The following INPP4B variants were observed in gnomAD, a reference collection of about 807,000 sequenced individuals.
The protein encoded by INPP4B is inositol polyphosphate 4-phosphatase type II.
INPP4B carries 55 observed loss-of-function variants against 122.5 expected under a neutral mutation model. The ratio of observed to expected loss-of-function variants is 0.45; its 90% CI spans 0.36 to 0.56. The LOEUF (loss-of-function observed/expected upper bound fraction) is 0.56. Ranked by LOEUF, INPP4B falls within the 20% of genes least tolerant of loss-of-function variation. The probability of loss-of-function intolerance (pLI) is 0.00; values close to 1 mark genes in which losing one functional copy is unlikely to be tolerated. For synonymous variants in INPP4B, 403 were observed against 388.7 expected, an observed-to-expected ratio of 1.04 and a Z score of -0.43; for missense variants, 1,000 against 1,097.7, an observed-to-expected ratio of 0.91 and a Z score of 1.26.
intron 1 of INPP4B, among the ~76,000 whole-genome samples, chr4:142,825,637 T>C (rs1261005640): frequency 6.6e-6 from 1 of 152,120 alleles, no homozygotes; most frequent in Non-Finnish European, 1.5e-5. Context: ...AGTGCTTTTG[T>C]GCATAGCACC....
intron 5 of INPP4B, among the ~76,000 whole-genome samples, chr4:142,415,616 C>A (rs1183572868): frequency 2.0e-5 from 3 of 151,932 alleles, no homozygotes; most frequent in Non-Finnish European, 4.4e-5. Context: ...GGATCTAGAA[C>A]TAGAAATACC....
chr4:142,826,108 C>G (rs542287735), intron 1 of INPP4B, among the ~76,000 whole-genome samples: 13 of 152,144 alleles, frequency 8.5e-5, no homozygotes, highest in African/African-American at 3.1e-4. Context: ...AAAATTTACT[C>G]AACAAATTCA....
Position 142,158,190 on chromosome 4 carries a change from T to C in INPP4B, c.1563+2168A>G, listed in dbSNP as rs114422206. Among the ~76,000 whole-genome samples, 821 of 152,242 alleles carry C rather than the reference T, an allele frequency of 5.4e-3. 12 individuals are homozygous for C. The highest frequency in any genetic ancestry group is 0.019 in the African/African-American group (780 of 41,568). On this transcript the variant is annotated intron_variant, in intron 17 of 25. Coordinates refer to ENST00000262992, the MANE Select transcript of INPP4B (RefSeq NM_001101669.3). ...ACCTCTCTCTGTATGTCAGCTATTA[T>C]GCTCCATCTAAAAGGGCACCACATC...
intron 2 of INPP4B, among the ~76,000 whole-genome samples, chr4:142,469,364 AAAGAGAAGTAAAGAACTG>A (rs1292660906): frequency 6.6e-6 from 1 of 152,110 alleles, no homozygotes; most frequent in African/African-American, 2.4e-5. Flanking sequence ...AAGAAGCTAT[AAAGAGAAGTAAAGAACTG>A]TAACACGTGT....
chr4:142,422,208 G>C (rs745896905), intron 5 of INPP4B, among the ~76,000 whole-genome samples: 5 of 152,030 alleles, frequency 3.3e-5, no homozygotes, highest in Non-Finnish European at 7.4e-5. Flanking sequence ...GATGATAAAA[G>C]AGCAATTACT....
At chr4:142,097,988 T>C (rs1782723493) in intron 23 of INPP4B, among the ~76,000 whole-genome samples, 1 of 152,134 alleles carries the variant, frequency 6.6e-6, no homozygotes, top group African/African-American at 2.4e-5. Flanking sequence ...TATTGCATGC[T>C]ACATGATGAT....
chr4:142,274,405 A>C (rs1394654908), intron 9 of INPP4B, among the ~76,000 whole-genome samples: 2 of 151,742 alleles, frequency 1.3e-5, no homozygotes, highest in African/African-American at 2.4e-5. Flanking sequence ...TGCTCTAATA[A>C]CTCCTGTGAT....
intron 5 of INPP4B, among the ~76,000 whole-genome samples, chr4:142,426,275 T>G (rs1274798110): frequency 6.6e-6 from 1 of 151,988 alleles, no homozygotes; most frequent in Admixed American, 6.6e-5. Flanking sequence ...CTTTATACAT[T>G]TTCCACAATT....
chr4:142,624,122 T>G (rs957888771), intron 2 of INPP4B, among the ~76,000 whole-genome samples: 3 of 150,794 alleles, frequency 2.0e-5, no homozygotes, highest in African/African-American at 7.3e-5. Flanking sequence ...TTTCTAGTTC[T>G]AGATCTCTGA....
intron 1 of INPP4B, among the ~76,000 whole-genome samples, chr4:142,808,776 T>C (rs1218633929): frequency 1.3e-5 from 2 of 152,162 alleles, no homozygotes; most frequent in East Asian, 3.9e-4. Context: ...TTAGAATATT[T>C]ATTTATATAA....
intron 1 of INPP4B, among the ~76,000 whole-genome samples, chr4:142,730,750 A>T (rs1352856178): frequency 6.6e-6 from 1 of 152,160 alleles, no homozygotes; most frequent in African/African-American, 2.4e-5. Flanking sequence ...CAGTTATTTT[A>T]ACTTGTGCCT....
chr4:142,414,930 G>C (rs953582664), intron 5 of INPP4B, among the ~76,000 whole-genome samples: 1 of 152,214 alleles, frequency 6.6e-6, no homozygotes, highest in Admixed American at 6.5e-5. Context: ...GGATGAAAAT[G>C]TTATTCCAAG....
At chr4:142,173,145 C>T (rs1010281952) in intron 16 of INPP4B, among the ~76,000 whole-genome samples, 15 of 151,774 alleles carry the variant, frequency 9.9e-5, no homozygotes, top group African/African-American at 3.6e-4. Flanking sequence ...GGAACCTCTC[C>T]TCGGTAAATA....
intron 6 of INPP4B, among the ~76,000 whole-genome samples, chr4:142,404,771 T>C (rs1389287968): frequency 6.6e-6 from 1 of 152,118 alleles, no homozygotes; most frequent in African/African-American, 2.4e-5. Context: ...ACCCTTAACA[T>C]GTTTAAAATT....
chr4:142,297,873 G>T (rs1759472586), intron 9 of INPP4B, among the ~76,000 whole-genome samples: 1 of 152,150 alleles, frequency 6.6e-6, no homozygotes, highest in South Asian at 2.1e-4. Flanking sequence ...AAGAATAAAG[G>T]GAAACGATAT....
chr4:142,217,906 G>A (rs1847977498), intron 12 of INPP4B, among the ~76,000 whole-genome samples: 1 of 152,030 alleles, frequency 6.6e-6, no homozygotes, highest in Non-Finnish European at 1.5e-5. Context: ...TCCTGCCTTT[G>A]GACTCAGACT....
chr4:142,263,221 C>T (rs1740926744), intron 10 of INPP4B, among the ~76,000 whole-genome samples: 1 of 152,172 alleles, frequency 6.6e-6, no homozygotes, highest in Non-Finnish European at 1.5e-5. Context: ...AGGACTTTTC[C>T]TGTCTCAAGC....
At chr4:142,093,685 T>C (rs2152571895) in intron 23 of INPP4B, among the ~76,000 whole-genome samples, 1 of 152,302 alleles carries the variant, frequency 6.6e-6, no homozygotes. Context: ...TTTTAGATAC[T>C]GTAAAATCTT....
intron 7 of INPP4B, among the ~76,000 whole-genome samples, chr4:142,353,712 C>T (rs1782687827): frequency 6.6e-6 from 1 of 151,940 alleles, no homozygotes; most frequent in Admixed American, 6.6e-5. Context: ...GAATATTTGG[C>T]TTTTTGGTGC....
Sources: gnomAD v4.1 joint callset for allele counts (sites outside exome capture counted in the v4.1 genomes callset) on GRCh38, gnomAD v4.1.1 for gene constraint, MANE v1.5 for transcripts, NCBI Gene and HGNC (gene_info 2026-07-23, HGNC 2026-07-21) for gene names.